DLG2: variants seen among roughly 807,000 people sequenced by gnomAD.
DLG2 encodes discs large MAGUK scaffold protein 2, also known as disks large homolog 2.
Under a neutral mutation model 132.5 loss-of-function variants are expected in DLG2, and 45 were observed. The ratio of observed to expected loss-of-function variants is 0.34; its 90% CI spans 0.27 to 0.44. DLG2 has a LOEUF of 0.44. Ranked by LOEUF, DLG2 falls within the 20% of genes least tolerant of loss-of-function variation. The pLI is 1.00. For missense variants in DLG2, 1,045 were observed against 1,196.9 expected, an observed-to-expected ratio of 0.87 and a Z score of 1.87; for synonymous variants, 424 against 419.6, an observed-to-expected ratio of 1.01 and a Z score of -0.13.
intron 7 of DLG2, among the ~76,000 whole-genome samples, chr11:84,484,884 G>T (rs530380783): frequency 6.6e-6 from 1 of 152,206 alleles, no homozygotes; most frequent in East Asian, 1.9e-4. Flanking sequence ...ACCTACTGGG[G>T]TCTTAATATT....
intron 4 of DLG2, among the ~76,000 whole-genome samples, chr11:85,184,904 A>G (rs2079983135): frequency 6.6e-6 from 1 of 151,982 alleles, no homozygotes; most frequent in African/African-American, 2.4e-5. Flanking sequence ...AAATGACACA[A>G]GAGAACAAAT....
chr11:85,043,878 C>G (rs1593161899), intron 6 of DLG2, among the ~76,000 whole-genome samples: 1 of 151,782 alleles, frequency 6.6e-6, no homozygotes, highest in Admixed American at 6.6e-5. Context: ...GCCCTGCCAC[C>G]AGTTCCACAC....
intron 7 of DLG2, among the ~76,000 whole-genome samples, chr11:84,340,774 T>C (rs2098510853): frequency 6.6e-6 from 1 of 151,926 alleles, no homozygotes; most frequent in East Asian, 1.9e-4. Flanking sequence ...TGTTAGGAGG[T>C]AGGTGCAAAA....
chr11:85,377,784 C>CATATATATATATATATATAT (rs35941912), intron 3 of DLG2, among the ~76,000 whole-genome samples: 9 of 130,274 alleles, frequency 6.9e-5, no homozygotes, highest in African/African-American at 1.4e-4. Flanking sequence ...TGTGTGTATA[C>CATATATATATATATATATAT]ATATATATAT....
At chr11:84,713,940 A>G (rs2060725105) in intron 6 of DLG2, among the ~76,000 whole-genome samples, 1 of 152,080 alleles carries the variant, frequency 6.6e-6, no homozygotes, top group Admixed American at 6.6e-5. Context: ...ACATTCACAA[A>G]GCCTAATATA....
chr11:84,226,000 G>A (rs1237911096), intron 8 of DLG2, among the ~76,000 whole-genome samples: 5 of 152,046 alleles, frequency 3.3e-5, no homozygotes, highest in Admixed American at 6.6e-5. Flanking sequence ...TAGTAGAGAC[G>A]GAGTTTCCCC....
At chr11:83,560,349 C>T (rs993758965) in intron 19 of DLG2, among the ~76,000 whole-genome samples, 1 of 152,122 alleles carries the variant, frequency 6.6e-6, no homozygotes, top group Admixed American at 6.5e-5. Context: ...AACTCCCAAC[C>T]TCAGGTGATC....
chr11:85,600,176 T>G (rs989540245), intron 2 of DLG2, among the ~76,000 whole-genome samples: 1 of 152,170 alleles, frequency 6.6e-6, no homozygotes, highest in Non-Finnish European at 1.5e-5. Context: ...TCCCTTATAT[T>G]ACTATGAATA....
chr11:84,652,184 T>C (rs1439298813), intron 6 of DLG2, among the ~76,000 whole-genome samples: 1 of 152,206 alleles, frequency 6.6e-6, no homozygotes, highest in African/African-American at 2.4e-5. Context: ...GTCACTTCTT[T>C]CCAAAGTTTG....
chr11:83,533,390 A>T (rs1215724836), intron 20 of DLG2, among the ~76,000 whole-genome samples: 2 of 152,180 alleles, frequency 1.3e-5, no homozygotes, highest in Non-Finnish European at 2.9e-5. Context: ...CAAAGAAAAA[A>T]TATTCTAAAA....
intron 18 of DLG2, among the ~76,000 whole-genome samples, chr11:83,768,545 C>A (rs1172097536): frequency 2.6e-5 from 4 of 152,166 alleles, no homozygotes; most frequent in African/African-American, 9.7e-5. Flanking sequence ...CAGTTTTAAA[C>A]CATAATCACT....
At chr11:83,615,150 G>A (rs2060620142) in intron 19 of DLG2, among the ~76,000 whole-genome samples, 4 of 152,122 alleles carry the variant, frequency 2.6e-5, no homozygotes, top group African/African-American at 7.2e-5. Flanking sequence ...ATTACAGAGG[G>A]TCTGCAAGTC....
chr11:83,965,295 T>C (rs1317205057), intron 13 of DLG2, 29 bp downstream of exon 13: 1 of 1,582,376 alleles, frequency 6.3e-7, no homozygotes, highest in South Asian at 1.2e-5. Context: ...AAGTCTGGCA[T>C]GCTATTTGAA....
At chr11:84,965,146 G>A (rs1484100886) in intron 6 of DLG2, among the ~76,000 whole-genome samples, 1 of 152,072 alleles carries the variant, frequency 6.6e-6, no homozygotes, top group African/African-American at 2.4e-5. Context: ...AGGACAAACT[G>A]CAAGTTTTCC....
rs147904945 is a variant in DLG2, at chr11:83,523,795, G to T, written c.2193+8913C>A. 3.9e-5 allele frequency among the ~76,000 whole-genome samples: 6 copies of T among 152,292 alleles called. No individual in the cohort carries two copies. The East Asian group carries it at 1.2e-3, about 29-fold the overall frequency. On this transcript the variant is annotated intron_variant, in intron 21 of 27. Coordinates refer to ENST00000376104, the MANE Select transcript of DLG2 (RefSeq NM_001142699.3). ...GTAGGTAGCTACACAAGATAGCAGA[G>T]AACTCAGAAACCATCTGGATTTGCA... is the stretch of plus-strand genomic sequence containing the variant.
chr11:85,160,249 A>C (rs1407655528), intron 4 of DLG2, among the ~76,000 whole-genome samples: 1 of 152,158 alleles, frequency 6.6e-6, no homozygotes, highest in Non-Finnish European at 1.5e-5. Flanking sequence ...GAACAGGAGA[A>C]GGCTCTGCAA....
intron 6 of DLG2, among the ~76,000 whole-genome samples, chr11:84,786,485 T>G (rs1441164935): frequency 6.6e-6 from 1 of 152,202 alleles, no homozygotes; most frequent in African/African-American, 2.4e-5. Flanking sequence ...TAGAAAGAAC[T>G]ACTAGAAACT....
At chr11:84,161,845 T>C (rs561519252) in intron 9 of DLG2, among the ~76,000 whole-genome samples, 1 of 152,250 alleles carries the variant, frequency 6.6e-6, no homozygotes, top group South Asian at 2.1e-4. Flanking sequence ...TCAGGAGAAA[T>C]GTGTTTTTTT....
At chr11:85,009,680 A>G (rs1173090491) in intron 6 of DLG2, among the ~76,000 whole-genome samples, 1 of 152,138 alleles carries the variant, frequency 6.6e-6, no homozygotes, top group Non-Finnish European at 1.5e-5. Flanking sequence ...TATTGGATGT[A>G]TATCAATTCC....
Sources: allele counts gnomAD v4.1 joint callset (sites outside exome capture counted in the v4.1 genomes callset), GRCh38; gene constraint gnomAD v4.1.1; transcripts MANE v1.5; gene names NCBI Gene and HGNC (gene_info 2026-07-23, HGNC 2026-07-21).